The following RMST variants were observed in gnomAD, a reference collection of about 807,000 sequenced individuals.
The protein encoded by RMST is rhabdomyosarcoma 2 associated transcript, also known as long intergenic non-protein coding RNA 54.
At chr12:97,515,631 A>G (rs1424406811) in intron 10 of RMST, among the ~76,000 whole-genome samples, 1 of 152,096 alleles carries the variant, frequency 6.6e-6, no homozygotes, top group Non-Finnish European at 1.5e-5. Context: ...CAATAGGGAA[A>G]ATAAATAAAA....
intron 11 of RMST, among the ~76,000 whole-genome samples, chr12:97,534,984 GGAGAGATA>G (rs1881957196): frequency 6.6e-6 from 1 of 151,576 alleles, no homozygotes; most frequent in South Asian, 2.1e-4. Context: ...TCTGGACTAA[GGAGAGATA>G]GCAAGTGGCA....
chr12:97,471,019 G>T (rs1334481524), intron 5 of RMST, among the ~76,000 whole-genome samples: 2 of 152,000 alleles, frequency 1.3e-5, no homozygotes, highest in Non-Finnish European at 2.9e-5. Flanking sequence ...TATATGCAAA[G>T]GTGTAGCCTC....
chr12:97,492,047 T>C (rs1021926144), intron 5 of RMST: 3 of 502,598 alleles, frequency 6.0e-6, no homozygotes, highest in South Asian at 4.3e-5. Flanking sequence ...AATTCAAAAA[T>C]GTGCACAGGT....
intron 10 of RMST, among the ~76,000 whole-genome samples, chr12:97,514,048 G>A (rs1040508236): frequency 6.6e-6 from 1 of 152,162 alleles, no homozygotes; most frequent in East Asian, 1.9e-4. Context: ...TTAAATAAGA[G>A]GTTGTCAAGG....
intron 11 of RMST, chr12:97,532,670 A>G (rs1421530558): frequency 7.9e-5 from 2 of 25,248 alleles, no homozygotes; most frequent in South Asian, 2.2e-3. Flanking sequence ...TTTTTTTTTT[A>G]AACAGGATTA....
Position 97,474,586 on chromosome 12 carries a change from A to G in RMST, n.644+8859A>G, listed in dbSNP as rs192856929. Among the ~76,000 whole-genome samples, 122 of 150,304 alleles carry G rather than the reference A, an allele frequency of 8.1e-4. No individual in the cohort carries two copies. The Middle Eastern group carries it at 0.035, about 43-fold the overall frequency. On this transcript the variant is annotated intron_variant and non_coding_transcript_variant, in intron 5 of 13. Coordinates refer to ENST00000640149, the Ensembl canonical transcript of RMST. The stretch of plus-strand genomic sequence containing the variant: ...GTATGTCTGACCTACCTTTAAAAAT[A>G]CACATTAAGACACACACAATTTGAA...
At chr12:97,505,609 C>T (rs1392507814) in intron 10 of RMST, among the ~76,000 whole-genome samples, 1 of 152,252 alleles carries the variant, frequency 6.6e-6, no homozygotes, top group Admixed American at 6.5e-5. Context: ...TATCCATTAA[C>T]TTACAAAACG....
intron 10 of RMST, among the ~76,000 whole-genome samples, chr12:97,515,866 G>A (rs1565929220): frequency 6.6e-6 from 1 of 152,028 alleles, no homozygotes; most frequent in African/African-American, 2.4e-5. Context: ...GACCATGCCT[G>A]AGGATTTGAG....
chr12:97,560,257 G>A (rs751847784), intron 11 of RMST, among the ~76,000 whole-genome samples: 9 of 152,126 alleles, frequency 5.9e-5, no homozygotes, highest in Non-Finnish European at 8.8e-5. Context: ...GACTTTCCTT[G>A]TTCATTCCAG....
intron 11 of RMST, among the ~76,000 whole-genome samples, chr12:97,549,743 T>G (rs1428178175): frequency 6.6e-6 from 1 of 152,184 alleles, no homozygotes; most frequent in Non-Finnish European, 1.5e-5. Context: ...TGTTCCAATG[T>G]CTTTACTATC....
At chr12:97,485,406 C>T (rs1037015112) in intron 5 of RMST, among the ~76,000 whole-genome samples, 3 of 152,104 alleles carry the variant, frequency 2.0e-5, no homozygotes, top group African/African-American at 7.2e-5. Flanking sequence ...ATGATAGATA[C>T]ATAAGATTAA....
chr12:97,525,162 T>A (rs1880959129), intron 10 of RMST, among the ~76,000 whole-genome samples: 1 of 152,336 alleles, frequency 6.6e-6, no homozygotes, highest in Admixed American at 6.5e-5. Context: ...TGTGCTAAAT[T>A]AAATCCTTTT....
At chr12:97,549,417 T>C (rs1338909059) in intron 11 of RMST, among the ~76,000 whole-genome samples, 1 of 152,238 alleles carries the variant, frequency 6.6e-6, no homozygotes, top group Admixed American at 6.5e-5. Context: ...GTTTATTTAC[T>C]GGGGTATGTC....
intron 13 of RMST, chr12:97,564,055 C>T (rs1884350754): frequency 2.9e-6 from 1 of 342,100 alleles, no homozygotes; most frequent in Admixed American, 3.9e-5. Context: ...GCTGAGAAAT[C>T]TAGGTGGATT....
intron 5 of RMST, among the ~76,000 whole-genome samples, chr12:97,480,089 CTTTTTTTTTCTTTT>C (rs1415577646): frequency 1.1e-5 from 1 of 90,966 alleles, no homozygotes; most frequent in Non-Finnish European, 2.7e-5. Flanking sequence ...TTTCTTTTTT[CTTTTTTTTTCTTTT>C]TTTTTGAGAC....
At chr12:97,470,495 A>T (rs909320859) in intron 5 of RMST, among the ~76,000 whole-genome samples, 1 of 152,008 alleles carries the variant, frequency 6.6e-6, no homozygotes, top group South Asian at 2.1e-4. Context: ...GAAGGAGAAA[A>T]TAATACTCCT....
chr12:97,491,192 T>TTGG (rs1185355328), intron 5 of RMST, among the ~76,000 whole-genome samples: 1 of 152,116 alleles, frequency 6.6e-6, no homozygotes, highest in African/African-American at 2.4e-5. Flanking sequence ...CCAAAGCAAT[T>TTGG]TGGTCGAACT....
At chr12:97,464,106 T>A (rs1342884661) in intron 4 of RMST, among the ~76,000 whole-genome samples, 1 of 152,168 alleles carries the variant, frequency 6.6e-6, no homozygotes, top group Non-Finnish European at 1.5e-5. Flanking sequence ...TAGTGAAACA[T>A]TGCTGGCATG....
intron 13 of RMST, chr12:97,564,107 A>G (rs1311148125): frequency 9.6e-6 from 3 of 313,836 alleles, no homozygotes; most frequent in African/African-American, 2.2e-5. Flanking sequence ...TTGGGTTTGC[A>G]CATTTTTGTT....
Sources: gnomAD v4.1 joint callset for allele counts (sites outside exome capture counted in the v4.1 genomes callset) on GRCh38, gnomAD v4.1.1 for gene constraint, MANE v1.5 for transcripts, NCBI Gene and HGNC (gene_info 2026-07-23, HGNC 2026-07-21) for gene names.